Variants in NRXN1 observed in about 807,000 individuals in gnomAD.
NRXN1 encodes the protein neurexin 1.
In NRXN1, 39 loss-of-function variants were observed where a neutral mutation model predicts 150.9. The ratio of observed to expected loss-of-function variants is 0.26; its 90% CI spans 0.20 to 0.34. The LOEUF is 0.34. Among genes scored for constraint, NRXN1 ranks in the 10% least tolerant of loss-of-function variants. The pLI, the probability that NRXN1 is intolerant of heterozygous loss-of-function variation, is 1.00. For synonymous variants in NRXN1, 924 were observed against 757.0 expected, an observed-to-expected ratio of 1.22 and a Z score of -3.62; for missense variants, 1,815 against 1,949.9, an observed-to-expected ratio of 0.93 and a Z score of 1.30.
At chr2:50,165,652 C>A (rs534583723) in intron 18 of NRXN1, among the ~76,000 whole-genome samples, 1 of 152,240 alleles carries the variant, frequency 6.6e-6, no homozygotes, top group South Asian at 2.1e-4. Context: ...CGCGCCCAGC[C>A]AGCACTGTCA....
intron 18 of NRXN1, among the ~76,000 whole-genome samples, chr2:50,208,633 C>A (rs1016894294): frequency 2.6e-5 from 4 of 152,018 alleles, no homozygotes; most frequent in African/African-American, 9.7e-5. Context: ...GGCTGTACTC[C>A]ACCCTGCTTC....
intron 8 of NRXN1, among the ~76,000 whole-genome samples, chr2:50,562,828 A>G (rs1313503992): frequency 6.6e-6 from 1 of 151,992 alleles, no homozygotes; most frequent in African/African-American, 2.4e-5. Context: ...TGTTTTATTG[A>G]TGTTTATTTT....
chr2:50,578,482 C>T (rs991554289), intron 8 of NRXN1, among the ~76,000 whole-genome samples: 1 of 152,136 alleles, frequency 6.6e-6, no homozygotes, highest in Non-Finnish European at 1.5e-5. Flanking sequence ...GTGATCATTA[C>T]TCACTTTCCC....
chr2:50,706,815 T>C (rs983047847), intron 5 of NRXN1, among the ~76,000 whole-genome samples: 2 of 152,066 alleles, frequency 1.3e-5, no homozygotes, highest in African/African-American at 4.8e-5. Context: ...TTTGGATTTT[T>C]TTTTTTTTTT....
At chr2:50,307,132 G>T (rs1246204896) in intron 17 of NRXN1, among the ~76,000 whole-genome samples, 1 of 151,888 alleles carries the variant, frequency 6.6e-6, no homozygotes, top group Non-Finnish European at 1.5e-5. Context: ...CTACAGGTGT[G>T]CACCACCACG....
At chr2:50,284,850 G>A (rs1407068014) in intron 17 of NRXN1, among the ~76,000 whole-genome samples, 2 of 151,960 alleles carry the variant, frequency 1.3e-5, no homozygotes, top group East Asian at 3.9e-4. Flanking sequence ...TAAATTACTG[G>A]AAACTGCAAC....
At chr2:50,358,401 A>C (rs1195541168) in intron 17 of NRXN1, among the ~76,000 whole-genome samples, 2 of 152,032 alleles carry the variant, frequency 1.3e-5, no homozygotes, top group Non-Finnish European at 2.9e-5. Flanking sequence ...GTGGGGAGGG[A>C]CGTCCACCAT....
At chr2:50,590,073 G>A (rs1424481699) in intron 8 of NRXN1, among the ~76,000 whole-genome samples, 1 of 152,152 alleles carries the variant, frequency 6.6e-6, no homozygotes, top group African/African-American at 2.4e-5. Flanking sequence ...CATTGCTCAA[G>A]TATGAAGCAT....
intron 11 of NRXN1, among the ~76,000 whole-genome samples, chr2:50,530,767 G>A (rs907153271): frequency 5.9e-5 from 9 of 152,162 alleles, no homozygotes; most frequent in Admixed American, 1.3e-4. Context: ...CAAAGGAGAA[G>A]CCCATGGAGT....
chr2:50,721,043 G>C (rs928800020), intron 5 of NRXN1, among the ~76,000 whole-genome samples: 20 of 152,236 alleles, frequency 1.3e-4, no homozygotes, highest in African/African-American at 4.6e-4. Flanking sequence ...CAAAAATATG[G>C]ATTTATCCTG....
chr2:50,217,605 C>T (rs1425154425), intron 18 of NRXN1, among the ~76,000 whole-genome samples: 2 of 151,702 alleles, frequency 1.3e-5, no homozygotes, highest in Non-Finnish European at 1.5e-5. Context: ...ATGGACAGAC[C>T]GAATTATAAC....
chr2:50,861,145 A>C (rs1676076012), intron 5 of NRXN1, among the ~76,000 whole-genome samples: 1 of 152,030 alleles, frequency 6.6e-6, no homozygotes, highest in South Asian at 2.1e-4. Flanking sequence ...TAGCTATGAG[A>C]TATCATCTTG....
chr2:50,812,715 A>G (rs919418533), intron 5 of NRXN1, among the ~76,000 whole-genome samples: 2 of 135,792 alleles, frequency 1.5e-5, no homozygotes, highest in Non-Finnish European at 3.1e-5. Context: ...TATACCATAA[A>G]TAATAAGAGT....
At chr2:50,762,119 GTA>G (rs1364653822) in intron 5 of NRXN1, among the ~76,000 whole-genome samples, 8 of 69,668 alleles carry the variant, frequency 1.1e-4, no homozygotes, top group Admixed American at 3.5e-4. Flanking sequence ...ATATATATGT[GTA>G]TACACACACA....
intron 5 of NRXN1, among the ~76,000 whole-genome samples, chr2:50,635,112 T>C (rs1012563187): frequency 4.0e-5 from 6 of 151,838 alleles, no homozygotes; most frequent in African/African-American, 1.5e-4. Context: ...CCTTTACTGA[T>C]GCCTGTGGGC....
intron 10 of NRXN1, among the ~76,000 whole-genome samples, chr2:50,535,610 T>G (rs1212377160): frequency 6.6e-6 from 1 of 152,228 alleles, no homozygotes; most frequent in Non-Finnish European, 1.5e-5. Context: ...AATTCTCAGT[T>G]TTATTAAAAA....
chr2:50,635,750 T>C (rs1035107088), intron 5 of NRXN1, among the ~76,000 whole-genome samples: 1 of 152,212 alleles, frequency 6.6e-6, no homozygotes, highest in African/African-American at 2.4e-5. Flanking sequence ...TATCCGTCAC[T>C]GCTTAGGTAG....
chr2:50,236,284 TC>T (rs1449728599), intron 18 of NRXN1, among the ~76,000 whole-genome samples: 1 of 152,038 alleles, frequency 6.6e-6, no homozygotes, highest in Non-Finnish European at 1.5e-5. Flanking sequence ...ACAGAAACAA[TC>T]TTTTTGCCAT....
chr2:50,955,740 A>G (rs1321368302), intron 2 of NRXN1, among the ~76,000 whole-genome samples: 2 of 152,212 alleles, frequency 1.3e-5, no homozygotes, highest in Non-Finnish European at 2.9e-5. Context: ...ACATTTCCCA[A>G]GAACATATTT....
Sources: gnomAD v4.1 joint callset for allele counts (sites outside exome capture counted in the v4.1 genomes callset) on GRCh38, gnomAD v4.1.1 for gene constraint, MANE v1.5 for transcripts, NCBI Gene and HGNC (gene_info 2026-07-23, HGNC 2026-07-21) for gene names.